The following CTTNBP2NL variants were observed in gnomAD, a reference collection of about 807,000 sequenced individuals.
CTTNBP2NL encodes CTTNBP2 N-terminal like.
Under a neutral mutation model 32.5 loss-of-function variants are expected in CTTNBP2NL, and 16 were observed. That is an observed-to-expected ratio of 0.49 (90% CI 0.33 to 0.75). The LOEUF (loss-of-function observed/expected upper bound fraction) is 0.75. CTTNBP2NL is among the 30% of genes least tolerant of loss of function. The probability of loss-of-function intolerance (pLI) is 0.02; values close to 1 mark genes in which losing one functional copy is unlikely to be tolerated. For missense variants in CTTNBP2NL, 645 were observed against 756.0 expected (o/e 0.85, Z 1.72); for synonymous variants, 298 against 289.4 (o/e 1.03, Z -0.30).
chr1:112,417,310 C>T (rs1418940094), intron 3 of CTTNBP2NL, among the ~76,000 whole-genome samples: 1 of 152,124 alleles, frequency 6.6e-6, no homozygotes, highest in Non-Finnish European at 1.5e-5. Flanking sequence ...AATGATTGTA[C>T]CATTGTGGTG....
At chr1:112,418,456 A>G (rs1649128402) in intron 3 of CTTNBP2NL, among the ~76,000 whole-genome samples, 1 of 152,136 alleles carries the variant, frequency 6.6e-6, no homozygotes, top group East Asian at 1.9e-4. Flanking sequence ...GTAACACATT[A>G]TTCAGTGTCT....
chr1:112,436,997 G>A (rs1381084412), intron 3 of CTTNBP2NL, among the ~76,000 whole-genome samples: 1 of 152,160 alleles, frequency 6.6e-6, no homozygotes, highest in Non-Finnish European at 1.5e-5. Context: ...TGGCTGTGTA[G>A]TATTCCATGG....
At chr1:112,436,882 G>T (rs913809194) in intron 3 of CTTNBP2NL, among the ~76,000 whole-genome samples, 2 of 152,070 alleles carry the variant, frequency 1.3e-5, no homozygotes, top group African/African-American at 2.4e-5. Flanking sequence ...TTTAGCTCCA[G>T]CTTATAAGTG....
At chr1:112,429,009 C>G (rs544664146) in intron 3 of CTTNBP2NL, among the ~76,000 whole-genome samples, 73 of 152,262 alleles carry the variant, frequency 4.8e-4, no homozygotes, top group Non-Finnish European at 9.6e-4. Context: ...TTTTGCTAAG[C>G]TATGGAATCA....
chr1:112,435,092 G>A (rs574359548), intron 3 of CTTNBP2NL, among the ~76,000 whole-genome samples: 91 of 134,872 alleles, frequency 6.7e-4, no homozygotes, highest in Admixed American at 2.2e-3. Flanking sequence ...GTAGCAAGCC[G>A]AGATCACACC....
At chr1:112,443,420 G>A (rs1450320207) in intron 3 of CTTNBP2NL, among the ~76,000 whole-genome samples, 1 of 152,160 alleles carries the variant, frequency 6.6e-6, no homozygotes, top group Non-Finnish European at 1.5e-5. Context: ...CACCATGTTG[G>A]CCAGGCTGGT....
At chr1:112,406,332 G>C (rs1648664926) in intron 1 of CTTNBP2NL, among the ~76,000 whole-genome samples, 2 of 152,180 alleles carry the variant, frequency 1.3e-5, no homozygotes, top group South Asian at 4.1e-4. Context: ...GTTTAGCTGA[G>C]GTTTTTCCAC....
chr1:112,391,334 A>C (rs985231352), upstream of CTTNBP2NL, among the ~76,000 whole-genome samples: 1 of 152,168 alleles, frequency 6.6e-6, no homozygotes, highest in South Asian at 2.1e-4. Flanking sequence ...CAGAAGAAAG[A>C]AAGCATTTCT....
At chr1:112,423,747 G>A (rs1341140914) in intron 3 of CTTNBP2NL, among the ~76,000 whole-genome samples, 4 of 152,028 alleles carry the variant, frequency 2.6e-5, no homozygotes, top group African/African-American at 4.8e-5. Context: ...TTTTTGAGAC[G>A]GAGTCTCGCT....
chr1:112,454,491 G>T lies in CTTNBP2NL; in HGVS notation c.373G>T (p.Asp125Tyr). The change falls in exon 5 of 6, where the codon GAT becomes TAT. Residue 125 changes from aspartate to tyrosine, a missense_variant. Transcript: ENST00000271277. Reference protein sequence around the residue: ...LEEERQRHAQDTAEGDDVTYM... With the variant: ...LEEERQRHAQYTAEGDDVTYM... ...GGAAGAAAGGCAGCGGCATGCACAG[G>T]ATACGGCTGAAGGAGATGATGTCAC... 2 of 1,614,094 alleles carry T rather than the reference G, an allele frequency of 1.2e-6. No individual in the cohort carries two copies. The highest frequency in any genetic ancestry group is 1.7e-6 in the Non-Finnish European group (2 of 1,179,962).
intron 3 of CTTNBP2NL, among the ~76,000 whole-genome samples, chr1:112,448,479 GGAAAAAAATAAGAT>G (rs1650119969): frequency 6.6e-6 from 1 of 151,972 alleles, no homozygotes; most frequent in Admixed American, 6.6e-5. Flanking sequence ...ACCATAACAC[GGAAAAAAATAAGAT>G]GTACCTGCTG....
At chr1:112,421,403 C>T (rs12732876) in intron 3 of CTTNBP2NL, among the ~76,000 whole-genome samples, 13,311 of 147,122 alleles carry the variant, frequency 0.09, 1,227 homozygotes, top group East Asian at 0.42. Context: ...TGGGTTCAAG[C>T]GATTCTCCTG....
chr1:112,438,601 T>C (rs995498407), intron 3 of CTTNBP2NL, among the ~76,000 whole-genome samples: 2 of 152,150 alleles, frequency 1.3e-5, no homozygotes, highest in Non-Finnish European at 2.9e-5. Context: ...GGACTTCCAA[T>C]AGGAGTGGTG....
At chr1:112,448,136 C>T (rs1006868879) in intron 3 of CTTNBP2NL, among the ~76,000 whole-genome samples, 1 of 152,160 alleles carries the variant, frequency 6.6e-6, no homozygotes, top group Non-Finnish European at 1.5e-5. Flanking sequence ...AGCTTGCATC[C>T]CTTTCTTACA....
intron 2 of CTTNBP2NL, chr1:112,415,006 AG>A (rs2101001219): frequency 6.6e-6 from 1 of 152,144 alleles, no homozygotes; most frequent in Admixed American, 6.6e-5. Context: ...TGGGCAACAC[AG>A]GGAGACCCCA....
At chr1:112,418,154 T>A (rs527754418) in intron 3 of CTTNBP2NL, among the ~76,000 whole-genome samples, 1 of 152,300 alleles carries the variant, frequency 6.6e-6, no homozygotes, top group East Asian at 1.9e-4. Flanking sequence ...TAATCTTATA[T>A]CTCTAAACAA....
intron 1 of CTTNBP2NL, among the ~76,000 whole-genome samples, chr1:112,399,869 G>A (rs551324454): frequency 6.6e-6 from 1 of 152,214 alleles, no homozygotes; most frequent in South Asian, 2.1e-4. Context: ...AGGAGTTTGA[G>A]ACCAGCCTGG....
At chr1:112,396,891 T>C (rs1405606610) in intron 1 of CTTNBP2NL, among the ~76,000 whole-genome samples, 1 of 152,136 alleles carries the variant, frequency 6.6e-6, no homozygotes, top group Non-Finnish European at 1.5e-5. Flanking sequence ...AGTCGAGAGC[T>C]CTCCTGTTTT....
chr1:112,392,913 A>G (rs1228846331), upstream of CTTNBP2NL, among the ~76,000 whole-genome samples: 3 of 152,028 alleles, frequency 2.0e-5, no homozygotes, highest in African/African-American at 7.2e-5. Context: ...GGTGGAGTGC[A>G]GTGGCGCGAT....
Sources: gnomAD v4.1 joint callset for allele counts (sites outside exome capture counted in the v4.1 genomes callset) on GRCh38, gnomAD v4.1.1 for gene constraint, MANE v1.5 for transcripts, NCBI Gene and HGNC (gene_info 2026-07-23, HGNC 2026-07-21) for gene names.